The following SCARB1 variants were observed in gnomAD, a reference collection of about 807,000 sequenced individuals.
SCARB1 encodes CD36 and LIMPII analogous 1.
Under a neutral mutation model 57.2 loss-of-function variants are expected in SCARB1, and 30 were observed. The ratio of observed to expected loss-of-function variants is 0.52; its 90% CI spans 0.39 to 0.71. SCARB1 has a LOEUF of 0.71. Ranked by LOEUF, SCARB1 falls within the 30% of genes least tolerant of loss-of-function variation. The pLI is 0.00. For missense variants in SCARB1, 543 were observed against 671.2 expected (o/e 0.81, Z 2.11); for synonymous variants, 249 against 268.3 (o/e 0.93, Z 0.70).
intron 7 of SCARB1, among the ~76,000 whole-genome samples, chr12:124,806,187 G>A (rs1950317963): frequency 6.6e-6 from 1 of 152,144 alleles, no homozygotes; most frequent in Non-Finnish European, 1.5e-5. Flanking sequence ...CGTGTCCGTG[G>A]CCTGGACAAT....
chr12:124,817,726 G>A lies in SCARB1; in HGVS notation c.127-19C>T, dbSNP rs551285697. 7 of 1,613,898 alleles carry A rather than the reference G, an allele frequency of 4.3e-6. No homozygotes were observed. The highest frequency in any genetic ancestry group is 1.7e-6 in the Non-Finnish European group (2 of 1,179,958). ...GCACGTTCTGCAGGGGAAGGGACAAGTACGCTTGTGAGGAGAGTGATGAGG... is the reference window on the plus strand; with the variant it reads ...GCACGTTCTGCAGGGGAAGGGACAAATACGCTTGTGAGGAGAGTGATGAGG... On this transcript the variant is annotated intron_variant, in intron 1 of 12. Coordinates refer to ENST00000261693, the MANE Select transcript of SCARB1 (RefSeq NM_005505.5). This position sits in a 1 kb window ranked among gnomAD's most constrained non-coding sequence, Gnocchi z 4.8.
intron 11 of SCARB1, chr12:124,785,289 C>T (rs745439580): frequency 1.3e-5 from 2 of 152,634 alleles, no homozygotes; most frequent in Non-Finnish European, 2.9e-5. Flanking sequence ...AAACTGCTCA[C>T]TGTGCACCAC....
chr12:124,813,702 C>T (rs949512438), intron 4 of SCARB1, among the ~76,000 whole-genome samples: 1 of 152,240 alleles, frequency 6.6e-6, no homozygotes, highest in Middle Eastern at 3.4e-3. Flanking sequence ...GATATCCCCC[C>T]CAGCACTCTA....
intron 1 of SCARB1, among the ~76,000 whole-genome samples, chr12:124,818,492 A>G (rs1950825201): frequency 6.6e-6 from 1 of 152,072 alleles, no homozygotes; most frequent in Non-Finnish European, 1.5e-5. Flanking sequence ...TTTGAGATGG[A>G]GTCTCACTCT....
At chr12:124,798,177 G>A (rs1008862028) in intron 8 of SCARB1, among the ~76,000 whole-genome samples, 12 of 152,228 alleles carry the variant, frequency 7.9e-5, no homozygotes, top group Non-Finnish European at 1.0e-4. Flanking sequence ...TTGGGAGGCC[G>A]AGGTGGACGG....
chr12:124,784,915 T>G (rs1455705615), intron 11 of SCARB1: 1 of 142,504 alleles, frequency 7.0e-6, no homozygotes, highest in East Asian at 2.0e-4. Context: ...CTTGCCCATC[T>G]TTGCTGCAGA....
chr12:124,810,355 T>A lies in SCARB1; in HGVS notation c.727-66A>T. 8.9e-7 allele frequency: 1 copy of A among 1,123,578 alleles called. No individual in the cohort carries two copies. Among genetic ancestry groups the A allele is most frequent in the Non-Finnish European group, 1.4e-6 (1 of 735,632 alleles). The allele number at this position is 1,123,578 out of a possible 1,614,324, so 69.6% of individuals were successfully genotyped here. A position where few individuals can be genotyped will look rare whatever the true frequency, so the allele number is the denominator to read the frequency against. On this transcript the variant is annotated intron_variant, in intron 5 of 12. Transcript: ENST00000261693. The surrounding 1 kb of genome is among the most constrained non-coding windows in gnomAD (Gnocchi z 4.0). ...AGGCCCCTTAATAAGCCCTCTCAGG[T>A]GCTGCACACCTAACTCACCCTGGTG... is the stretch of plus-strand genomic sequence containing the variant.
intron 7 of SCARB1, among the ~76,000 whole-genome samples, chr12:124,801,597 A>C (rs1397926601): frequency 6.6e-6 from 1 of 152,106 alleles, no homozygotes; most frequent in Non-Finnish European, 1.5e-5. Flanking sequence ...AGCCTGGGCA[A>C]CATGGTGAGA....
chr12:124,852,638 A>G (rs1594394351), intron 1 of SCARB1, among the ~76,000 whole-genome samples: 1 of 152,274 alleles, frequency 6.6e-6, no homozygotes, highest in African/African-American at 2.4e-5. Context: ...GAATGCAGCC[A>G]TGAACGAGAC....
chr12:124,801,103 G>A (rs552699486), intron 7 of SCARB1, among the ~76,000 whole-genome samples: 4 of 152,224 alleles, frequency 2.6e-5, no homozygotes, highest in Non-Finnish European at 5.9e-5. Context: ...GGAGGCTGAG[G>A]CAGGAAAATC....
chr12:124,810,793 T>C lies in SCARB1; in HGVS notation c.727-504A>G, dbSNP rs1474113557. The stretch of plus-strand genomic sequence containing the variant: ...ACCAACTGCTCACTTTCCAATCTTC[T>C]GTATGATGAGGATGTTTAAAATCAC... On this transcript the variant is annotated intron_variant, in intron 5 of 12. Coordinates refer to ENST00000261693, the MANE Select transcript of SCARB1 (RefSeq NM_005505.5). The surrounding 1 kb of genome is among the most constrained non-coding windows in gnomAD (Gnocchi z 4.0). 6.6e-6 allele frequency among the ~76,000 whole-genome samples: 1 copy of C among 152,194 alleles called. No individual in the cohort carries two copies. The highest frequency in any genetic ancestry group is 1.9e-4 in the East Asian group (1 of 5,196).
rs1398985252 is a variant in SCARB1, at chr12:124,814,850, C to T, written c.426+123G>A. 1.2e-5 allele frequency: 15 copies of T among 1,283,388 alleles called. No individual in the cohort carries two copies. Among genetic ancestry groups the T allele is most frequent in the East Asian group, 2.4e-5 (1 of 40,832 alleles). 79.5% of individuals were successfully genotyped at this position (1,283,388 alleles called of 1,614,324 possible). On this transcript the variant is annotated intron_variant, in intron 3 of 12. Coordinates refer to ENST00000261693, the MANE Select transcript of SCARB1 (RefSeq NM_005505.5). The surrounding 1 kb of genome is among the most constrained non-coding windows in gnomAD (Gnocchi z 4.7). ...ACAGCACAGGGCCGAAAGCCACCCA[C>T]CAGGCGTGAGTCCCCACGCTCCGAC...
At chr12:124,805,001 G>C (rs574497732) in intron 7 of SCARB1, among the ~76,000 whole-genome samples, 1 of 152,280 alleles carries the variant, frequency 6.6e-6, no homozygotes, top group African/African-American at 2.4e-5. Flanking sequence ...TAGAAGCTAA[G>C]AATAAAACCA....
At chr12:124,846,713 C>T (rs903346376) in intron 1 of SCARB1, among the ~76,000 whole-genome samples, 1 of 106,364 alleles carries the variant, frequency 9.4e-6, no homozygotes, top group African/African-American at 3.7e-5. Context: ...CCTGGCCACA[C>T]AGCAAGACTC....
intron 1 of SCARB1, among the ~76,000 whole-genome samples, chr12:124,854,966 G>A (rs1259952796): frequency 6.6e-6 from 1 of 152,128 alleles, no homozygotes; most frequent in Admixed American, 6.5e-5. Flanking sequence ...AAGGCTGGAG[G>A]AGCCCACCCC....
intron 6 of SCARB1, among the ~76,000 whole-genome samples, chr12:124,809,160 C>T (rs1027019029): frequency 2.0e-5 from 3 of 151,198 alleles, no homozygotes; most frequent in African/African-American, 7.3e-5. Context: ...ACCTACTCTC[C>T]GATGGTTCTG....
At chr12:124,791,682 C>A (rs118024922) in intron 9 of SCARB1, among the ~76,000 whole-genome samples, 1 of 152,110 alleles carries the variant, frequency 6.6e-6, no homozygotes, top group Non-Finnish European at 1.5e-5. Flanking sequence ...AGAGACCGGG[C>A]GCAGTGGCTC....
Position 124,822,712 on chromosome 12 carries a change from G to A in SCARB1, c.127-5005C>T, listed in dbSNP as rs995796299. 2.6e-5 allele frequency among the ~76,000 whole-genome samples: 4 copies of A among 152,050 alleles called. No individual in the cohort carries two copies. The highest frequency in any genetic ancestry group is 6.6e-5 in the Admixed American group (1 of 15,254). Reference sequence around the variant, plus strand: ...CCAGCCTGGGCAACATGGTGAAACCGTGTCTCTACTAAAAATACAAAAAAT... The same window carrying A: ...CCAGCCTGGGCAACATGGTGAAACCATGTCTCTACTAAAAATACAAAAAAT... On this transcript the variant is annotated intron_variant, in intron 1 of 12. Coordinates refer to ENST00000261693, the MANE Select transcript of SCARB1 (RefSeq NM_005505.5). The surrounding 1 kb of genome is among the most constrained non-coding windows in gnomAD (Gnocchi z 5.0).
chr12:124,804,540 T>C (rs990220213), intron 7 of SCARB1, among the ~76,000 whole-genome samples: 3 of 152,326 alleles, frequency 2.0e-5, no homozygotes, highest in Non-Finnish European at 4.4e-5. Context: ...AGCACACCTA[T>C]TGGGTGTGTA....
Sources: gnomAD v4.1 joint callset for allele counts (sites outside exome capture counted in the v4.1 genomes callset) on GRCh38, gnomAD v4.1.1 for gene constraint, Gnocchi (gnomAD v3.1) non-coding constraint, MANE v1.5 for transcripts, NCBI Gene and HGNC (gene_info 2026-07-23, HGNC 2026-07-21) for gene names.